The following CSTPP1 variants were observed in gnomAD, a reference collection of about 807,000 sequenced individuals.
CSTPP1 encodes the protein centriolar satellite-associated tubulin polyglutamylase complex regulator 1, also known as UPF0705 protein C11orf49.
chr11:46,955,990 C>T, the CSTPP1 span, among the ~76,000 whole-genome samples: 13 of 143,570 alleles, frequency 9.1e-5, no homozygotes, highest in Non-Finnish European at 2.0e-4. Flanking sequence ...CCATCCACCC[C>T]CCCCCCCCCA....
the CSTPP1 span, among the ~76,000 whole-genome samples, chr11:46,964,348 C>G: frequency 6.6e-6 from 1 of 151,480 alleles, no homozygotes; most frequent in Non-Finnish European, 1.5e-5. Context: ...TGCAGTGACG[C>G]GATTTCGGCT....
At chr11:46,997,348 G>T in the CSTPP1 span, among the ~76,000 whole-genome samples, 1 of 151,936 alleles carries the variant, frequency 6.6e-6, no homozygotes, top group Non-Finnish European at 1.5e-5. Context: ...TGATCAAATC[G>T]GCTACTGAAG....
chr11:47,017,452 C>T, the CSTPP1 span, among the ~76,000 whole-genome samples: 1 of 151,944 alleles, frequency 6.6e-6, no homozygotes, highest in Non-Finnish European at 1.5e-5. Flanking sequence ...GGATTACAGG[C>T]GTGAGCCACA....
chr11:47,164,122 C>G, the CSTPP1 span: 1 of 1,613,402 alleles, frequency 6.2e-7, no homozygotes, highest in Non-Finnish European at 8.5e-7. Context: ...CACCGGACCT[C>G]ACGGCAGCAC....
At chr11:46,957,956 C>T in the CSTPP1 span, among the ~76,000 whole-genome samples, 1 of 152,136 alleles carries the variant, frequency 6.6e-6, no homozygotes, top group African/African-American at 2.4e-5. Flanking sequence ...ACAGCTGACC[C>T]TTGAACAACA....
chr11:47,096,493 C>G, the CSTPP1 span, among the ~76,000 whole-genome samples: 5 of 152,166 alleles, frequency 3.3e-5, no homozygotes, highest in Non-Finnish European at 5.9e-5. Flanking sequence ...AGGCATGGGT[C>G]GGAGTGAAGG....
At chr11:47,058,631 G>C in the CSTPP1 span, among the ~76,000 whole-genome samples, 1 of 152,152 alleles carries the variant, frequency 6.6e-6, no homozygotes, top group Non-Finnish European at 1.5e-5. Context: ...CATTTATTAA[G>C]TGCTTCTATG....
the CSTPP1 span, among the ~76,000 whole-genome samples, chr11:47,024,490 A>C: frequency 6.6e-6 from 1 of 151,832 alleles, no homozygotes; most frequent in East Asian, 1.9e-4. Context: ...CTACTTTGTA[A>C]TTTTCAATCA....
chr11:47,043,866 C>T, the CSTPP1 span, among the ~76,000 whole-genome samples: 2 of 152,102 alleles, frequency 1.3e-5, no homozygotes, highest in African/African-American at 2.4e-5. Flanking sequence ...TGGTGGCATG[C>T]GCCTGTAGAT....
chr11:46,954,314 T>C, the CSTPP1 span, among the ~76,000 whole-genome samples: 2 of 152,194 alleles, frequency 1.3e-5, no homozygotes, highest in African/African-American at 4.8e-5. Context: ...GTTGGGAGGC[T>C]GAGGCTGGTG....
chr11:46,939,340 C>T, the CSTPP1 span, among the ~76,000 whole-genome samples: 16 of 151,932 alleles, frequency 1.1e-4, no homozygotes, highest in Admixed American at 9.2e-4. Context: ...CCACCCACCT[C>T]GGCCTCCCAA....
At chr11:47,107,649 T>A in the CSTPP1 span, among the ~76,000 whole-genome samples, 2 of 152,156 alleles carry the variant, frequency 1.3e-5, no homozygotes, top group African/African-American at 4.8e-5. Flanking sequence ...GAAGGAGACA[T>A]CCACCTGAAA....
At chr11:47,033,427 C>T in the CSTPP1 span, among the ~76,000 whole-genome samples, 2 of 152,094 alleles carry the variant, frequency 1.3e-5, no homozygotes, top group African/African-American at 4.8e-5. Context: ...GTGTCTTCTT[C>T]CCCTTCTATT....
chr11:47,051,668 A>G, the CSTPP1 span, among the ~76,000 whole-genome samples: 1 of 151,174 alleles, frequency 6.6e-6, no homozygotes. Context: ...GGCCAGGGAG[A>G]GTACAGAAAT....
chr11:47,145,630 A>T, the CSTPP1 span, among the ~76,000 whole-genome samples: 3 of 152,068 alleles, frequency 2.0e-5, no homozygotes, highest in Non-Finnish European at 4.4e-5. Context: ...AAAATTATTT[A>T]AAAAATGTTA....
the CSTPP1 span, among the ~76,000 whole-genome samples, chr11:47,037,593 G>A: frequency 1.1e-4 from 13 of 116,394 alleles, 1 homozygote. Context: ...TGACTCTTAA[G>A]GAGCATGCTG....
chr11:46,988,796 C>T, the CSTPP1 span, among the ~76,000 whole-genome samples: 2 of 152,096 alleles, frequency 1.3e-5, no homozygotes, highest in Admixed American at 6.6e-5. Flanking sequence ...GATTAGTTAA[C>T]ATTGCATGTC....
chr11:47,044,423 C>G, the CSTPP1 span, among the ~76,000 whole-genome samples: 1 of 152,096 alleles, frequency 6.6e-6, no homozygotes, highest in East Asian at 1.9e-4. Context: ...ATTGCCCAGG[C>G]TGGAGCGCAG....
At chr11:47,065,144 GT>G in the CSTPP1 span, among the ~76,000 whole-genome samples, 1 of 151,918 alleles carries the variant, frequency 6.6e-6, no homozygotes, top group African/African-American at 2.4e-5. Flanking sequence ...TTTATGAATG[GT>G]TTTTTCTATT....
Sources: allele counts gnomAD v4.1 joint callset (sites outside exome capture counted in the v4.1 genomes callset), GRCh38; gene constraint gnomAD v4.1.1; transcripts MANE v1.5; gene names NCBI Gene and HGNC (gene_info 2026-07-23, HGNC 2026-07-21).